ARSJ: variants seen among roughly 807,000 people sequenced by gnomAD.
The protein encoded by ARSJ is arylsulfatase family member J.
A neutral mutation model predicts 35.9 loss-of-function variants in ARSJ; 26 were observed. The observed-to-expected ratio is 0.72, with a 90% CI of 0.53 to 1.00. The LOEUF (loss-of-function observed/expected upper bound fraction) is 1.00, where lower values mean the gene tolerates loss of function less well. Among genes scored for constraint, ARSJ ranks in the 50% least tolerant of loss-of-function variants. The probability of loss-of-function intolerance (pLI) is 0.00; values close to 1 mark genes in which losing one functional copy is unlikely to be tolerated. For missense variants in ARSJ, 667 were observed against 723.6 expected (o/e 0.92, Z 0.90); for synonymous variants, 294 against 267.6 (o/e 1.10, Z -0.96).
intron 1 of ARSJ, among the ~76,000 whole-genome samples, chr4:113,941,948 G>A (rs1160057896): frequency 6.6e-6 from 1 of 151,932 alleles, no homozygotes; most frequent in Non-Finnish European, 1.5e-5. Flanking sequence ...CAGAGGTTCA[G>A]GGGTAGAGGG....
chr4:113,961,928 TGTGTGTGTGTGTG>T (rs1726572306), intron 1 of ARSJ, among the ~76,000 whole-genome samples: 1 of 131,970 alleles, frequency 7.6e-6, no homozygotes, highest in East Asian at 2.3e-4. Context: ...TGTGTGTGTG[TGTGTGTGTGTGTG>T]TAAACACTTG....
At chr4:113,934,383 C>G in intron 1 of ARSJ, among the ~76,000 whole-genome samples, 1 of 151,720 alleles carries the variant, frequency 6.6e-6, no homozygotes, top group East Asian at 1.9e-4. Context: ...TATGTACACA[C>G]AAGGGATATT....
At chr4:113,909,394 C>T (rs1251301356) in intron 1 of ARSJ, among the ~76,000 whole-genome samples, 2 of 152,110 alleles carry the variant, frequency 1.3e-5, no homozygotes, top group East Asian at 3.9e-4. Flanking sequence ...GAATTGGAAA[C>T]GAAGTGCTAG....
At chr4:113,958,355 G>A (rs931856783) in intron 1 of ARSJ, among the ~76,000 whole-genome samples, 1 of 151,936 alleles carries the variant, frequency 6.6e-6, no homozygotes, top group Non-Finnish European at 1.5e-5. Context: ...CAAAATTAAC[G>A]TTAAAAAATT....
chr4:113,935,862 C>G (rs1724735237), intron 1 of ARSJ, among the ~76,000 whole-genome samples: 1 of 151,926 alleles, frequency 6.6e-6, no homozygotes, highest in South Asian at 2.1e-4. Flanking sequence ...ACATGTACAA[C>G]TTCCATTAGG....
chr4:113,924,064 TAA>T (rs142616605), intron 1 of ARSJ, among the ~76,000 whole-genome samples: 3 of 27,080 alleles, frequency 1.1e-4, no homozygotes, highest in African/African-American at 2.8e-4. Flanking sequence ...TAAATATATA[TAA>T]ATATATATAA....
intron 1 of ARSJ, among the ~76,000 whole-genome samples, chr4:113,972,238 CAGGAAG>C (rs1224062563): frequency 7.6e-6 from 1 of 131,364 alleles, no homozygotes; most frequent in Non-Finnish European, 1.5e-5. Context: ...GAGGCAATTC[CAGGAAG>C]AGGCTATAAT....
intron 1 of ARSJ, among the ~76,000 whole-genome samples, chr4:113,960,836 A>C (rs1381542197): frequency 1.3e-5 from 2 of 152,032 alleles, no homozygotes; most frequent in African/African-American, 4.8e-5. Flanking sequence ...AGATTGGCAG[A>C]AGTGCCCCGA....
chr4:113,927,515 C>T (rs537128368), intron 1 of ARSJ, among the ~76,000 whole-genome samples: 1 of 152,190 alleles, frequency 6.6e-6, no homozygotes, highest in African/African-American at 2.4e-5. Context: ...TTACCCCTGA[C>T]ATAGGACAGT....
intron 1 of ARSJ, among the ~76,000 whole-genome samples, chr4:113,911,562 G>C (rs904490749): frequency 7.2e-5 from 11 of 152,064 alleles, no homozygotes; most frequent in Non-Finnish European, 1.5e-4. Flanking sequence ...AGAGACATTT[G>C]ATAGGGTTAC....
At chr4:113,913,204 A>G (rs1723051286) in intron 1 of ARSJ, among the ~76,000 whole-genome samples, 1 of 152,148 alleles carries the variant, frequency 6.6e-6, no homozygotes, top group Non-Finnish European at 1.5e-5. Flanking sequence ...CCTTTGGATA[A>G]TCTTTCCTAG....
chr4:113,930,039 A>G (rs1411052883), intron 1 of ARSJ, among the ~76,000 whole-genome samples: 1 of 152,106 alleles, frequency 6.6e-6, no homozygotes, highest in African/African-American at 2.4e-5. Flanking sequence ...TAATCATATT[A>G]AGCAGCCAAC....
chr4:113,908,723 T>C (rs928330807), intron 1 of ARSJ, among the ~76,000 whole-genome samples: 24 of 152,318 alleles, frequency 1.6e-4, no homozygotes, highest in Admixed American at 3.3e-4. Context: ...ATTACACTCA[T>C]GCATACTGTA....
At chr4:113,947,413 G>T (rs573412973) in intron 1 of ARSJ, among the ~76,000 whole-genome samples, 2 of 151,888 alleles carry the variant, frequency 1.3e-5, no homozygotes, top group Non-Finnish European at 2.9e-5. Context: ...TTGGCAGTTG[G>T]AGGTTGCAGT....
At chr4:113,942,602 G>A (rs780459359) in intron 1 of ARSJ, among the ~76,000 whole-genome samples, 2 of 151,948 alleles carry the variant, frequency 1.3e-5, no homozygotes, top group Non-Finnish European at 2.9e-5. Context: ...TAAGCACAAG[G>A]TAGTATACAA....
chr4:113,945,962 C>A (rs896243764), intron 1 of ARSJ, among the ~76,000 whole-genome samples: 75 of 152,132 alleles, frequency 4.9e-4, no homozygotes, highest in African/African-American at 1.8e-3. Flanking sequence ...GCAGAGTGAT[C>A]TAGGAAAGCA....
intron 1 of ARSJ, among the ~76,000 whole-genome samples, chr4:113,977,628 G>C (rs542108538): frequency 6.6e-6 from 1 of 152,304 alleles, no homozygotes; most frequent in South Asian, 2.1e-4. Flanking sequence ...AATTACAGTA[G>C]CCTGTGTTCT....
chr4:113,904,609 G>C (rs1023452246), intron 1 of ARSJ, among the ~76,000 whole-genome samples: 1 of 152,014 alleles, frequency 6.6e-6, no homozygotes, highest in Non-Finnish European at 1.5e-5. Context: ...CTCACCCTCC[G>C]GAGTAGCTGG....
intron 1 of ARSJ, among the ~76,000 whole-genome samples, chr4:113,925,360 A>C (rs1184857565): frequency 1.3e-5 from 2 of 152,052 alleles, no homozygotes; most frequent in Non-Finnish European, 2.9e-5. Flanking sequence ...GTGATGGCGA[A>C]TGGTACCTAT....
Sources: allele counts gnomAD v4.1 joint callset (sites outside exome capture counted in the v4.1 genomes callset), GRCh38; gene constraint gnomAD v4.1.1; transcripts MANE v1.5; gene names NCBI Gene and HGNC (gene_info 2026-07-23, HGNC 2026-07-21).